Variants in ATMIN observed in about 807,000 individuals in gnomAD.
ATMIN encodes the protein ATM INteracting protein.
A neutral mutation model predicts 49.2 loss-of-function variants in ATMIN; 24 were observed. That is an observed-to-expected ratio of 0.49 (90% CI 0.35 to 0.69). The LOEUF (loss-of-function observed/expected upper bound fraction) is 0.69. ATMIN is among the 30% of genes least tolerant of loss of function. The probability of loss-of-function intolerance (pLI) is 0.00; values close to 1 mark genes in which losing one functional copy is unlikely to be tolerated. For synonymous variants in ATMIN, 450 were observed against 392.5 expected, an observed-to-expected ratio of 1.15 and a Z score of -1.73; for missense variants, 1,037 against 1,005.5, an observed-to-expected ratio of 1.03 and a Z score of -0.42.
chr16:81,036,565 TTATATTAATGAGA>T (rs1320861830), intron 1 of ATMIN, among the ~76,000 whole-genome samples: 7 of 152,236 alleles, frequency 4.6e-5, no homozygotes, highest in Admixed American at 3.3e-4. Flanking sequence ...ATCGTCTCCA[TTATATTAATGAGA>T]AACAGATTAT....
At position 81,043,931 on chromosome 16, in the gene ATMIN, C is replaced by T; in HGVS notation, c.1433C>T (p.Ala478Val). 2 of 1,614,198 alleles carry T rather than the reference C, an allele frequency of 1.2e-6. No homozygotes were observed. The highest frequency in any genetic ancestry group is 1.7e-6 in the Non-Finnish European group (2 of 1,180,038). Residue 478 changes from alanine to valine, a missense_variant, in exon 4 of 4, where the codon GCA becomes GTA. Physicochemically the swap from Ala to Val is moderately conservative, Grantham distance 64. Transcript: ENST00000299575. ...VTSSIAAQTDAFMDTCFQSGG... is the reference protein window; with the variant it reads ...VTSSIAAQTDVFMDTCFQSGG... ...TCATCTATAGCTGCTCAGACTGATG[C>T]ATTTATGGACACCTGTTTCCAGTCA... is the stretch of plus-strand genomic sequence containing the variant.
chr16:81,038,676 G>A (rs1970988422), intron 1 of ATMIN, among the ~76,000 whole-genome samples: 2 of 152,074 alleles, frequency 1.3e-5, no homozygotes, highest in African/African-American at 4.8e-5. Flanking sequence ...GGCTTTTCAG[G>A]GTCTTGCTCT....
chr16:81,043,975 A>G lies in ATMIN; in HGVS notation c.1477A>G (p.Thr493Ala), dbSNP rs774584136. Residue 493 changes from threonine to alanine, a missense_variant, in exon 4 of 4, where the codon ACT becomes GCT. Coordinates refer to ENST00000299575, the MANE Select transcript of ATMIN (RefSeq NM_015251.3). ...CCAGTCAGGTGGGGTCTCCAGAGAA[A>G]CTCAAACCAGTGGGATAGAAAGTCC... ...CFQSGGVSRE[T>A]QTSGIESPTD... 8 of 1,614,174 alleles carry G rather than the reference A, an allele frequency of 5.0e-6. No individual in the cohort carries two copies. The highest frequency in any genetic ancestry group is 5.9e-6 in the Non-Finnish European group (7 of 1,180,028).
rs372340359 is a variant in ATMIN at position 81,044,080 on chromosome 16, G to A, written c.1582G>A (p.Ala528Thr). 83 of 1,614,006 alleles carry A rather than the reference G, an allele frequency of 5.1e-5. No homozygotes were observed. The highest frequency in any genetic ancestry group is 6.8e-5 in the Non-Finnish European group (80 of 1,179,990). ...GAGTGTTCATTCATCATATAATGTT[G>A]CTACAGGTAACATTATAAGCAACAG... ...FESVHSSYNV[A>T]TGNIISNSLV... Residue 528 changes from alanine to threonine, a missense_variant, in exon 4 of 4, where the codon GCT (alanine) becomes ACT (threonine). Coordinates refer to ENST00000299575, the MANE Select transcript of ATMIN (RefSeq NM_015251.3).
chr16:81,043,418 C>G lies in ATMIN; in HGVS notation c.920C>G (p.Pro307Arg), dbSNP rs539236397. ...CCCAAAGTGGCTTTGGTTAAACTAC[C>G]CGTGATGCAGTTTTCTGTCATGCCT... is the stretch of plus-strand genomic sequence containing the variant. ...PKPKVALVKL[P>R]VMQFSVMPVF... Residue 307 changes from proline to arginine, a missense_variant, in exon 4 of 4, where the codon CCC becomes CGC. By Grantham distance (103) the Pro-to-Arg change is moderately radical. Transcript: ENST00000299575. 17 of 1,613,746 alleles carry G rather than the reference C, an allele frequency of 1.1e-5. No individual in the cohort carries two copies. The Admixed American group carries it at 2.8e-4, about 27-fold the overall frequency.
rs368828496 is a variant in ATMIN, at chr16:81,042,244, C to G, written c.463-37C>G. 4.7e-5 allele frequency: 75 copies of G among 1,589,428 alleles called. 1 individual carries two copies. Among genetic ancestry groups the G allele is most frequent in the African/African-American group, 4.0e-4 (30 of 74,340 alleles). On this transcript the variant is annotated intron_variant, in intron 2 of 3. Coordinates refer to ENST00000299575, the MANE Select transcript of ATMIN (RefSeq NM_015251.3). ...GTTTCTGAAATGTTTTGACCAGTTG[C>G]TGTTTTTCACCTTAGTCCCTTCTGC...
At chr16:81,036,342 C>T (rs956639760) in intron 1 of ATMIN, 136 bp downstream of exon 1, 19 of 870,388 alleles carry the variant, frequency 2.2e-5, no homozygotes, top group African/African-American at 3.6e-5. Context: ...CGGCCTCTGC[C>T]CTCCCCGGCC....
Position 81,047,082 on chromosome 16 carries a change from T to C in ATMIN, c.*2112T>C, listed in dbSNP as rs1237579988. The C allele has an allele frequency of 6.6e-6, 1 of 152,594 alleles. No individual in the cohort carries two copies. Among genetic ancestry groups the C allele is most frequent in the Non-Finnish European group, 1.5e-5 (1 of 68,020 alleles). The allele number at this position is 152,594 out of a possible 1,614,324, so 9.5% of individuals were successfully genotyped here. A position where few individuals can be genotyped will look rare whatever the true frequency, so the allele number is the denominator to read the frequency against. ...GCAGTGATCTATGGCTTAAAAAATT[T>C]GTTTCTGTGACAATGTTTGTAAATC... is the stretch of plus-strand genomic sequence containing the variant. On this transcript the variant is annotated 3_prime_UTR_variant, in exon 4 of 4. Transcript: ENST00000299575.
At chr16:81,036,659 A>T (rs1412805531) in intron 1 of ATMIN, among the ~76,000 whole-genome samples, 1 of 152,206 alleles carries the variant, frequency 6.6e-6, no homozygotes, top group Admixed American at 6.5e-5. Context: ...CACGACACCC[A>T]CAATGCCGCC....
At chr16:81,038,687 G>A (rs962108582) in intron 1 of ATMIN, among the ~76,000 whole-genome samples, 1 of 152,110 alleles carries the variant, frequency 6.6e-6, no homozygotes. Context: ...GTCTTGCTCT[G>A]TTAACCCAGG....
Position 81,045,971 on chromosome 16 carries a change from C to G in ATMIN, c.*1001C>G, listed in dbSNP as rs1971111606. ...CCAACCTGGGTAACAGGGCAAGACC[C>G]TATCTCAAAAAAAAAAAAAGTCGCC... On this transcript the variant is annotated 3_prime_UTR_variant, in exon 4 of 4. Transcript: ENST00000299575. 1 of 95,762 alleles carries G rather than the reference C, an allele frequency of 1.0e-5. No homozygotes were observed. Among genetic ancestry groups the G allele is most frequent in the Admixed American group, 1.3e-4 (1 of 7,658 alleles). 5.9% of individuals were successfully genotyped at this position (95,762 alleles called of 1,614,324 possible).
intron 2 of ATMIN, chr16:81,041,808 G>A (rs1442853503): frequency 8.7e-6 from 2 of 228,652 alleles, no homozygotes; most frequent in Non-Finnish European, 1.7e-5. Context: ...CAAAGGAACT[G>A]TTCTCCCAGG....
rs770051803 is a variant in ATMIN, at chr16:81,036,124, T to G, written c.254T>G (p.Leu85Arg). 7.5e-6 allele frequency: 11 copies of G among 1,462,836 alleles called. No homozygotes were observed. Among genetic ancestry groups the G allele is most frequent in the Non-Finnish European group, 1.0e-5 (11 of 1,099,968 alleles). 90.6% of individuals were successfully genotyped at this position (1,462,836 alleles called of 1,614,324 possible). ...ELSRAVRTNILCTVRGCGKIL... is the reference protein window; with the variant it reads ...ELSRAVRTNIRCTVRGCGKIL... ...TCCCGGGCCGTGCGGACCAACATCC[T>G]GTGCACCGTGCGCGGCTGCGGCAAG... is the stretch of plus-strand genomic sequence containing the variant. The change falls in exon 1 of 4, where the codon CTG becomes CGG. Residue 85 changes from leucine to arginine, a missense_variant. Physicochemically the swap from Leu to Arg is moderately radical, Grantham distance 102. Coordinates refer to ENST00000299575, the MANE Select transcript of ATMIN (RefSeq NM_015251.3).
chr16:81,041,000 C>T (rs1038649780), intron 1 of ATMIN: 3 of 218,046 alleles, frequency 1.4e-5, no homozygotes, highest in African/African-American at 2.3e-5. Context: ...TACCGAGCTT[C>T]ACTGACGATG....
chr16:81,041,795 G>A (rs768800058), intron 2 of ATMIN: 1 of 240,042 alleles, frequency 4.2e-6, no homozygotes, highest in Non-Finnish European at 8.1e-6. Flanking sequence ...CAGCGCAAAG[G>A]CACAAAGGAA....
At position 81,042,421 on chromosome 16, in the gene ATMIN, T is replaced by C. The variant is rs775327023; in HGVS notation, c.603T>C (p.Ser201=). The change falls in exon 3 of 4, where the codon AGT becomes AGC. Residue 201 remains serine, a synonymous_variant. Coordinates refer to ENST00000299575, the MANE Select transcript of ATMIN (RefSeq NM_015251.3). ...FRCTCGCPYA[S]RTALQSHIYR... The stretch of plus-strand genomic sequence containing the variant: ...GCACATGCGGCTGTCCCTACGCCAG[T>C]AGAACAGCACTGCAGTCTCACATCT... 1.2e-6 allele frequency: 2 copies of C among 1,613,954 alleles called. No homozygotes were observed. The highest frequency in any genetic ancestry group is 2.2e-5 in the East Asian group (1 of 44,890).
chr16:81,042,429 C>T lies in ATMIN; in HGVS notation c.611C>T (p.Ala204Val). The T allele has an allele frequency of 6.2e-7, 1 of 1,614,162 alleles. No individual in the cohort carries two copies. Among genetic ancestry groups the T allele is most frequent in the Non-Finnish European group, 8.5e-7 (1 of 1,180,040 alleles). The change falls in exon 3 of 4, where the codon GCA becomes GTA. Residue 204 changes from alanine (A) to valine (V), a missense_variant. Transcript: ENST00000299575. ...TCGCPYASRT[A>V]LQSHIYRTGH... ...GGCTGTCCCTACGCCAGTAGAACAG[C>T]ACTGCAGTCTCACATCTACCGAACT...
In ATMIN at chr16:81,042,313, C is replaced by T. The variant is rs1971048980; in HGVS notation, c.495C>T (p.His165=). 3 of 1,613,788 alleles carry T rather than the reference C, an allele frequency of 1.9e-6. No individual in the cohort carries two copies. Among genetic ancestry groups the T allele is most frequent in the Non-Finnish European group, 2.5e-6 (3 of 1,179,988 alleles). ...HFMKMHAEKK[H]KCSKCSNSYG... is the part of the protein sequence containing the mutation. ...TGAAAATGCATGCTGAGAAGAAGCA[C>T]AAATGTAGTAAGTGCAGCAATTCGT... The change falls in exon 3 of 4, where the codon CAC becomes CAT. Residue 165 remains histidine, a synonymous_variant. Transcript: ENST00000299575.
rs769528164 is a variant in ATMIN at position 81,042,415 on chromosome 16, C to T, written c.597C>T (p.Tyr199=). The T allele has an allele frequency of 8.1e-6, 13 of 1,614,030 alleles. No homozygotes were observed. Among genetic ancestry groups the T allele is most frequent in the South Asian group, 5.5e-5 (5 of 91,084 alleles). ...TCCGGTGCACATGCGGCTGTCCCTA[C>T]GCCAGTAGAACAGCACTGCAGTCTC... ...KTFRCTCGCP[Y]ASRTALQSHI... is the part of the protein sequence containing the mutation. Residue 199 remains tyrosine (Y), a synonymous_variant, in exon 3 of 4, where the codon TAC becomes TAT. Transcript: ENST00000299575.
Sources: allele counts gnomAD v4.1 joint callset (sites outside exome capture counted in the v4.1 genomes callset), GRCh38; gene constraint gnomAD v4.1.1; transcripts MANE v1.5; gene names NCBI Gene and HGNC (gene_info 2026-07-23, HGNC 2026-07-21).